The following TRA2B variants were observed in gnomAD, a reference collection of about 807,000 sequenced individuals.
The protein encoded by TRA2B is transformer-2 protein homolog beta.
A neutral mutation model predicts 41.7 loss-of-function variants in TRA2B; 14 were observed. The observed-to-expected ratio is 0.34, with a 90% confidence interval of 0.22 to 0.53. TRA2B has a LOEUF of 0.53. Ranked by LOEUF, TRA2B falls within the 20% of genes least tolerant of loss-of-function variation. TRA2B has a pLI of 0.95. For missense variants in TRA2B, 167 were observed against 396.8 expected (o/e 0.42, Z 4.92); for synonymous variants, 130 against 128.8 (o/e 1.01, Z -0.06).
rs1286359648 is a variant in TRA2B at position 185,915,632 on chromosome 3, A to T, written c.*2083T>A. Among the ~76,000 whole-genome samples, 1 of 152,224 alleles carries T rather than the reference A, an allele frequency of 6.6e-6. No homozygotes were observed. Among genetic ancestry groups the T allele is most frequent in the Non-Finnish European group, 1.5e-5 (1 of 68,036 alleles). ...GTTAACACTCTTTGTAGCCATGTCA[A>T]ATGGCTAAAATTCTTTCAAATCTAA... On this transcript the variant is annotated 3_prime_UTR_variant, in exon 9 of 9. Transcript: ENST00000453386.
At chr3:185,933,169 A>AT (rs1744214007) in intron 1 of TRA2B, among the ~76,000 whole-genome samples, 1 of 152,208 alleles carries the variant, frequency 6.6e-6, no homozygotes, top group South Asian at 2.1e-4. Context: ...AAACTTCGAT[A>AT]CAGACAGGGC....
intron 7 of TRA2B, 134 bp downstream of exon 7, chr3:185,919,303 T>C: frequency 1.6e-6 from 1 of 616,822 alleles, no homozygotes; most frequent in Non-Finnish European, 2.7e-6. Context: ...TAGTTTCCGT[T>C]AGAATATTTT....
chr3:185,917,832 G>C, intron 8 of TRA2B, 107 bp from the exon 9 acceptor site: 4 of 1,164,712 alleles, frequency 3.4e-6, no homozygotes, highest in Non-Finnish European at 5.1e-6. Context: ...ATTCCTATGT[G>C]CCAGAACCCC....
chr3:185,937,346 C>T (rs962866612), intron 1 of TRA2B: 4 of 992,136 alleles, frequency 4.0e-6, no homozygotes. Flanking sequence ...CGTCGTCTGT[C>T]CCCTTGCACC....
At chr3:185,934,587 T>C in intron 1 of TRA2B, 3 of 985,376 alleles carry the variant, frequency 3.0e-6, no homozygotes, top group South Asian at 4.7e-5. Context: ...TACAAAACAA[T>C]TTCCTCCTAT....
intron 1 of TRA2B, chr3:185,937,529 A>C: frequency 1.2e-4 from 112 of 952,122 alleles, no homozygotes; most frequent in Non-Finnish European, 1.4e-4. Flanking sequence ...CCCTCCCCCA[A>C]CACCGCGGGG....
chr3:185,937,741 C>T lies in TRA2B; in HGVS notation c.36+84G>A, dbSNP rs1744425726. On this transcript the variant is annotated intron_variant, in intron 1 of 8. Transcript: ENST00000453386. ...GACTTCGGAGCCTAAAACGCCCCTG[C>T]CTCCTGGCCCGAGGCCGACGGGCCT... The T allele has an allele frequency of 1.9e-6, 3 of 1,590,716 alleles. No homozygotes were observed. In the African/African-American group the frequency reaches 4.0e-5, roughly 21 times the overall value.
Position 185,925,338 on chromosome 3 carries a change from T to TA in TRA2B, c.333+125dup, listed in dbSNP as rs1270535851. ...AACTTAAAAGACTCTCTCAAAACAC[T>TA]AAAAAAGCCTCTGAAGATTTCACTC... On this transcript the variant is annotated intron_variant, in intron 3 of 8. Transcript: ENST00000453386. 20 of 1,132,502 alleles carry TA rather than the reference T, an allele frequency of 1.8e-5. No homozygotes were observed. The African/African-American group carries it at 2.5e-4, about 14-fold the overall frequency. 70.2% of individuals were successfully genotyped at this position (1,132,502 alleles called of 1,614,324 possible).
intron 1 of TRA2B, chr3:185,937,571 A>T (rs888768818): frequency 1.5e-6 from 1 of 659,380 alleles, no homozygotes; most frequent in Non-Finnish European, 1.9e-6. Context: ...TCCCCCTCTT[A>T]TAACGGGAAA....
At chr3:185,935,084 G>A in intron 1 of TRA2B, 1 of 985,282 alleles carries the variant, frequency 1.0e-6, no homozygotes, top group Non-Finnish European at 1.2e-6. Context: ...ACCATTATTG[G>A]GCTCTAAAGA....
intron 4 of TRA2B, 82 bp downstream of exon 4, chr3:185,923,714 T>C (rs1743829898): frequency 2.2e-6 from 3 of 1,353,068 alleles, no homozygotes; most frequent in Middle Eastern, 2.1e-4. Flanking sequence ...CTTGTCCTTG[T>C]CCTTATCCTA....
At chr3:185,936,330 A>G (rs1744354342) in intron 1 of TRA2B, 1 of 985,360 alleles carries the variant, frequency 1.0e-6, no homozygotes, top group African/African-American at 1.7e-5. Context: ...CTCAATCCCA[A>G]CTTTCTTACC....
chr3:185,935,682 C>G (rs1744322640), intron 1 of TRA2B: 1 of 985,332 alleles, frequency 1.0e-6, no homozygotes, highest in Non-Finnish European at 1.2e-6. Context: ...ATCATTTACA[C>G]CACAGGCATG....
rs796618620 is a variant in TRA2B at position 185,935,990 on chromosome 3, T to G, written c.36+1835A>C. ...CAGTGTACTTTTACTAGTAAAAAGA[T>G]AACCCATCAGAAAATTTCAAATTTC... On this transcript the variant is annotated intron_variant, in intron 1 of 8. Transcript: ENST00000453386. 42 of 985,396 alleles carry G rather than the reference T, an allele frequency of 4.3e-5. No homozygotes were observed. The African/African-American group carries it at 7.3e-4, about 17-fold the overall frequency. The allele number at this position is 985,396 out of a possible 1,614,324, so 61.0% of individuals were successfully genotyped here.
At chr3:185,936,676 G>A (rs77399755) in intron 1 of TRA2B, 3 of 825,846 alleles carry the variant, frequency 3.6e-6, no homozygotes, top group South Asian at 1.1e-4. Flanking sequence ...GTAACAAATT[G>A]TTTTTTTTTT....
chr3:185,918,520 C>T, intron 7 of TRA2B, 82 bp from the exon 8 acceptor site: 1 of 880,742 alleles, frequency 1.1e-6, no homozygotes, highest in Non-Finnish European at 1.7e-6. Flanking sequence ...ATATATACTG[C>T]CCTTTCATCA....
At chr3:185,937,041 C>A in intron 1 of TRA2B, 1 of 985,414 alleles carries the variant, frequency 1.0e-6, no homozygotes, top group Non-Finnish European at 1.2e-6. Flanking sequence ...CCTTCACAAT[C>A]CCGTGGAAAT....
chr3:185,937,712 T>G (rs1744423935), intron 1 of TRA2B, 113 bp downstream of exon 1: 1 of 1,472,098 alleles, frequency 6.8e-7, no homozygotes, highest in South Asian at 1.2e-5. Context: ...CCCTCCCGGC[T>G]TCAGACTTCG....
chr3:185,917,863 G>T (rs1211262813), intron 8 of TRA2B, 138 bp from the exon 9 acceptor site: 1 of 765,006 alleles, frequency 1.3e-6, no homozygotes, highest in South Asian at 1.8e-5. Flanking sequence ...AATAGAGAAA[G>T]ACTTCCATGT....
Sources: allele counts gnomAD v4.1 joint callset (sites outside exome capture counted in the v4.1 genomes callset), GRCh38; gene constraint gnomAD v4.1.1; transcripts MANE v1.5; gene names NCBI Gene and HGNC (gene_info 2026-07-23, HGNC 2026-07-21).